Variants in SHISA9 observed in about 807,000 individuals in gnomAD.
The protein encoded by SHISA9 is protein shisa-9.
In SHISA9, 13 loss-of-function variants were observed where a neutral mutation model predicts 38.0. The ratio of observed to expected loss-of-function variants is 0.34; its 90% CI spans 0.22 to 0.54. The LOEUF is 0.54. SHISA9 is among the 20% of genes least tolerant of loss of function. The probability of loss-of-function intolerance (pLI) is 0.91; values close to 1 mark genes in which losing one functional copy is unlikely to be tolerated. For missense variants in SHISA9, 538 were observed against 575.8 expected, an observed-to-expected ratio of 0.93 and a Z score of 0.67; for synonymous variants, 275 against 242.0, an observed-to-expected ratio of 1.14 and a Z score of -1.27.
the SHISA9 span, among the ~76,000 whole-genome samples, chr16:13,368,385 C>T: frequency 7.9e-5 from 12 of 151,986 alleles, no homozygotes; most frequent in South Asian, 4.1e-4. Flanking sequence ...TACACAGTAT[C>T]GCTACTATAT....
intron 2 of SHISA9, among the ~76,000 whole-genome samples, chr16:13,145,297 G>T (rs1254502395): frequency 1.3e-5 from 2 of 152,158 alleles, no homozygotes; most frequent in South Asian, 2.1e-4. Context: ...GGCCGAGATG[G>T]GTGGATCAGT....
chr16:13,374,798 C>T, the SHISA9 span, among the ~76,000 whole-genome samples: 2 of 152,144 alleles, frequency 1.3e-5, no homozygotes, highest in African/African-American at 4.8e-5. Flanking sequence ...TAGAAGTGTT[C>T]CTATTTCTCC....
chr16:13,351,388 G>C, the SHISA9 span, among the ~76,000 whole-genome samples: 1 of 152,132 alleles, frequency 6.6e-6, no homozygotes, highest in African/African-American at 2.4e-5. Flanking sequence ...GTGGGTGGCA[G>C]GAAAGGCAGA....
At chr16:13,060,627 G>C (rs1485234616) in intron 2 of SHISA9, among the ~76,000 whole-genome samples, 1 of 107,308 alleles carries the variant, frequency 9.3e-6, no homozygotes, top group Non-Finnish European at 1.7e-5. Context: ...AACACAGTGA[G>C]ACCCCATCTC....
chr16:13,225,204 C>T (rs190444103), intron 4 of SHISA9, among the ~76,000 whole-genome samples: 4 of 152,256 alleles, frequency 2.6e-5, no homozygotes, highest in East Asian at 1.9e-4. Context: ...TTGCCAGCAA[C>T]CACCAGAAAT....
chr16:13,525,355 G>C, the SHISA9 span, among the ~76,000 whole-genome samples: 1 of 152,108 alleles, frequency 6.6e-6, no homozygotes, highest in Non-Finnish European at 1.5e-5. Context: ...ACTTTCTGTC[G>C]AAGAGTCCGG....
chr16:12,998,999 C>T (rs1040396135), intron 2 of SHISA9, among the ~76,000 whole-genome samples: 3 of 152,178 alleles, frequency 2.0e-5, no homozygotes, highest in African/African-American at 7.2e-5. Context: ...CCAATCAATA[C>T]ATAGCCTGTA....
At chr16:13,368,386 G>C in the SHISA9 span, among the ~76,000 whole-genome samples, 3 of 151,998 alleles carry the variant, frequency 2.0e-5, no homozygotes, top group Non-Finnish European at 4.4e-5. Flanking sequence ...ACACAGTATC[G>C]CTACTATATT....
the SHISA9 span, among the ~76,000 whole-genome samples, chr16:13,305,666 ATTGTCCTCCAT>A: frequency 2.6e-5 from 4 of 152,152 alleles, no homozygotes; most frequent in Non-Finnish European, 5.9e-5. Flanking sequence ...CTGGAAGTGG[ATTGTCCTCCAT>A]TTGAATCTTG....
rs993438167 is a variant in SHISA9 at position 13,211,313 on chromosome 16, GA to G, written c.848-1930del. ...AAAGCAAGACTCTGTCTCAAGAAAA[GA>G]AAAAAAAAAGAAAGTAAAAATTTCC... On this transcript the variant is annotated intron_variant, in intron 3 of 4. Transcript: ENST00000558583. Among the ~76,000 whole-genome samples, 33 of 138,592 alleles carry G rather than the reference GA, an allele frequency of 2.4e-4. No homozygotes were observed. The South Asian group carries it at 5.3e-3, about 22-fold the overall frequency. 90.9% of individuals were successfully genotyped at this position (138,592 alleles called of 152,430 possible).
chr16:13,424,492 A>G, the SHISA9 span, among the ~76,000 whole-genome samples: 4 of 152,350 alleles, frequency 2.6e-5, no homozygotes, highest in East Asian at 5.8e-4. Flanking sequence ...TAAGATTGGG[A>G]GAGGAAAAGG....
chr16:13,333,759 A>G, the SHISA9 span, among the ~76,000 whole-genome samples: 2 of 152,186 alleles, frequency 1.3e-5, no homozygotes, highest in Non-Finnish European at 2.9e-5. Flanking sequence ...GTTTTAAGGC[A>G]ACCATCCTAC....
the SHISA9 span, among the ~76,000 whole-genome samples, chr16:13,449,523 G>C: frequency 9.8e-3 from 1,494 of 152,278 alleles, 52 homozygotes; most frequent in East Asian, 0.1. Flanking sequence ...ATCTTGATTT[G>C]AGTGGTGGCT....
chr16:13,389,032 C>A, the SHISA9 span, among the ~76,000 whole-genome samples: 1 of 152,128 alleles, frequency 6.6e-6, no homozygotes, highest in Admixed American at 6.5e-5. Context: ...ATTAACATCC[C>A]CCACCAGAGC....
intron 2 of SHISA9, among the ~76,000 whole-genome samples, chr16:13,042,388 G>C (rs150611713): frequency 2.6e-5 from 4 of 152,318 alleles, no homozygotes; most frequent in African/African-American, 9.6e-5. Context: ...TGGCTGCAAT[G>C]AATGGAAAAT....
chr16:13,290,805 T>G, the SHISA9 span, among the ~76,000 whole-genome samples: 1 of 152,164 alleles, frequency 6.6e-6, no homozygotes, highest in Non-Finnish European at 1.5e-5. Flanking sequence ...GGGACTTTGC[T>G]TCTCCAACCT....
At chr16:13,325,815 CTG>C in the SHISA9 span, among the ~76,000 whole-genome samples, 4 of 151,696 alleles carry the variant, frequency 2.6e-5, no homozygotes, top group Non-Finnish European at 5.9e-5. Context: ...AAACAAAACA[CTG>C]TATGTTCTCA....
the SHISA9 span, among the ~76,000 whole-genome samples, chr16:13,551,539 A>T: frequency 8.5e-5 from 13 of 152,210 alleles, no homozygotes; most frequent in Non-Finnish European, 1.6e-4. Flanking sequence ...CATAGGACAC[A>T]AGCCCTTACA....
intron 2 of SHISA9, among the ~76,000 whole-genome samples, chr16:13,122,315 C>T (rs1385042331): frequency 6.6e-6 from 1 of 152,114 alleles, no homozygotes; most frequent in East Asian, 1.9e-4. Context: ...AGGACACGGC[C>T]ACTTCTTGCC....
Sources: gnomAD v4.1 joint callset for allele counts (sites outside exome capture counted in the v4.1 genomes callset) on GRCh38, gnomAD v4.1.1 for gene constraint, MANE v1.5 for transcripts, NCBI Gene and HGNC (gene_info 2026-07-23, HGNC 2026-07-21) for gene names.